MBOAT2: variants seen among roughly 807,000 people sequenced by gnomAD.
MBOAT2 encodes the protein membrane-bound glycerophospholipid O-acyltransferase 2.
MBOAT2 carries 28 observed loss-of-function variants against 63.4 expected under a neutral mutation model. The observed-to-expected ratio is 0.44, with a 90% CI of 0.33 to 0.61. The LOEUF (loss-of-function observed/expected upper bound fraction) is 0.61, where lower values mean the gene tolerates loss of function less well. Among genes scored for constraint, MBOAT2 ranks in the 20% least tolerant of loss-of-function variants. MBOAT2 has a pLI of 0.03. For synonymous variants in MBOAT2, 211 were observed against 215.6 expected (o/e 0.98, Z 0.19); for missense variants, 470 against 605.8 (o/e 0.78, Z 2.35).
intron 10 of MBOAT2, among the ~76,000 whole-genome samples, chr2:8,863,671 C>T (rs1248115586): frequency 6.6e-6 from 1 of 152,140 alleles, no homozygotes; most frequent in Admixed American, 6.5e-5. Context: ...ATTACACCAC[C>T]GTGTCTTTAA....
intron 12 of MBOAT2, 98 bp downstream of exon 12, chr2:8,860,515 T>C: frequency 8.4e-7 from 1 of 1,189,428 alleles, no homozygotes; most frequent in East Asian, 2.4e-5. Context: ...GCAGGAAATG[T>C]GGCTATGGTA....
intron 4 of MBOAT2, among the ~76,000 whole-genome samples, chr2:8,890,778 T>C (rs1032122036): frequency 6.6e-6 from 1 of 152,150 alleles, no homozygotes; most frequent in Non-Finnish European, 1.5e-5. Flanking sequence ...CCTCAGCCTC[T>C]CAAAAGTACT....
chr2:8,949,942 C>T lies in MBOAT2; in HGVS notation c.222-6678G>A, dbSNP rs138895661. Among the ~76,000 whole-genome samples, 90 of 152,278 alleles carry T rather than the reference C, an allele frequency of 5.9e-4. No homozygotes were observed. The East Asian group carries it at 0.017, about 29-fold the overall frequency. On this transcript the variant is annotated intron_variant, in intron 2 of 12. Transcript: ENST00000305997. The stretch of plus-strand genomic sequence containing the variant: ...GCCATTTTAGTGGCATTGACTCTTC[C>T]AATCCATAAGCTGAGAGGTTTTTCC...
intron 2 of MBOAT2, among the ~76,000 whole-genome samples, chr2:8,951,340 G>C (rs1668821100): frequency 6.6e-6 from 1 of 152,066 alleles, no homozygotes; most frequent in African/African-American, 2.4e-5. Context: ...GAGTAGCTGG[G>C]ATTACAGACA....
chr2:8,891,720 T>C (rs1277164769), intron 4 of MBOAT2, among the ~76,000 whole-genome samples: 1 of 152,156 alleles, frequency 6.6e-6, no homozygotes, highest in Non-Finnish European at 1.5e-5. Flanking sequence ...GAACCTCCTG[T>C]TTCCCTAGGA....
chr2:8,884,527 T>C (rs1663404266), intron 5 of MBOAT2, among the ~76,000 whole-genome samples: 2 of 151,122 alleles, frequency 1.3e-5, no homozygotes, highest in South Asian at 2.1e-4. Context: ...TGAGGATAAG[T>C]ATTCAATTTT....
At chr2:8,985,309 C>T (rs1372429953) in intron 1 of MBOAT2, among the ~76,000 whole-genome samples, 2 of 152,108 alleles carry the variant, frequency 1.3e-5, no homozygotes, top group African/African-American at 4.8e-5. Flanking sequence ...TCATTCGAAT[C>T]AAATTACCAC....
At chr2:8,988,853 A>C (rs1671739728) in intron 1 of MBOAT2, among the ~76,000 whole-genome samples, 1 of 152,224 alleles carries the variant, frequency 6.6e-6, no homozygotes, top group Non-Finnish European at 1.5e-5. Context: ...CATGCATAAT[A>C]ATATCCATAA....
At chr2:8,986,749 C>T (rs562861507) in intron 1 of MBOAT2, among the ~76,000 whole-genome samples, 21 of 152,064 alleles carry the variant, frequency 1.4e-4, no homozygotes, top group African/African-American at 5.1e-4. Context: ...GTAGGTAGGG[C>T]CCTGGCCTGA....
At position 8,933,950 on chromosome 2, in the gene MBOAT2, A is replaced by C. The variant is rs77953666; in HGVS notation, c.299+9237T>G. 3.0e-3 allele frequency among the ~76,000 whole-genome samples: 453 copies of C among 152,326 alleles called. 6 individuals carry two copies. The highest frequency in any genetic ancestry group is 0.011 in the African/African-American group (439 of 41,576). On this transcript the variant is annotated intron_variant, in intron 3 of 12. Coordinates refer to ENST00000305997, the MANE Select transcript of MBOAT2 (RefSeq NM_138799.4). ...GGGATTCAGTTTACAATTTGAAATA[A>C]AGTTAATTCAAATGTAACACCTCCA...
rs1661131995 is a variant in MBOAT2, at chr2:8,856,972, T to C, written c.*1707A>G. The C allele has an allele frequency of 6.6e-6, 1 of 152,426 alleles. No homozygotes were observed. 9.4% of individuals were successfully genotyped at this position (152,426 alleles called of 1,614,324 possible). A position where few individuals can be genotyped will look rare whatever the true frequency, so the allele number is the denominator to read the frequency against. ...TACTTTTAGATAAATAAAAATAGAT[T>C]AGGATATTTCTAAACTTCAAAAAAG... On this transcript the variant is annotated 3_prime_UTR_variant, in exon 13 of 13. Coordinates refer to ENST00000305997, the MANE Select transcript of MBOAT2 (RefSeq NM_138799.4). The surrounding 1 kb of genome is among the most constrained non-coding windows in gnomAD (Gnocchi z 4.2).
chr2:8,865,910 A>G (rs558489219), intron 9 of MBOAT2, among the ~76,000 whole-genome samples: 1 of 152,150 alleles, frequency 6.6e-6, no homozygotes, highest in Non-Finnish European at 1.5e-5. Context: ...GGTGGCAGGC[A>G]CCTGGAATCC....
chr2:8,985,606 A>G (rs1671512732), intron 1 of MBOAT2, among the ~76,000 whole-genome samples: 1 of 152,120 alleles, frequency 6.6e-6, no homozygotes, highest in African/African-American at 2.4e-5. Flanking sequence ...TATCTGCCCT[A>G]GCTGCTTAGG....
chr2:8,979,779 A>T (rs1305892677), intron 1 of MBOAT2, among the ~76,000 whole-genome samples: 2 of 152,188 alleles, frequency 1.3e-5, no homozygotes, highest in Non-Finnish European at 2.9e-5. Context: ...CAAGAGATCA[A>T]CATAGATTCT....
At chr2:8,983,310 G>A (rs1671330247) in intron 1 of MBOAT2, among the ~76,000 whole-genome samples, 1 of 152,108 alleles carries the variant, frequency 6.6e-6, no homozygotes, top group Non-Finnish European at 1.5e-5. Context: ...TTTCTTAGGT[G>A]AAATGCACCA....
intron 3 of MBOAT2, among the ~76,000 whole-genome samples, chr2:8,926,538 TG>T (rs1666946069): frequency 6.6e-6 from 1 of 152,176 alleles, no homozygotes; most frequent in Non-Finnish European, 1.5e-5. Flanking sequence ...AGGAACCAAG[TG>T]TTAAACAGTA....
At position 8,873,231 on chromosome 2, in the gene MBOAT2, ATGT is replaced by A. The variant is rs1447225606; in HGVS notation, c.757_759del (p.Thr253del). ...TCATCAATGTTGTACTCCACAGGTA[ATGT>A]TGTACAGATGGTCAAGTGAAATAAC... On this transcript the variant is annotated inframe_deletion, in exon 8 of 13. Coordinates refer to ENST00000305997, the MANE Select transcript of MBOAT2 (RefSeq NM_138799.4). 1.2e-6 allele frequency: 2 copies of A among 1,614,230 alleles called. No individual in the cohort carries two copies. Among genetic ancestry groups the A allele is most frequent in the South Asian group, 1.1e-5 (1 of 91,090 alleles).
chr2:8,882,379 A>G (rs1663201687), intron 6 of MBOAT2, 132 bp downstream of exon 6: 4 of 875,242 alleles, frequency 4.6e-6, no homozygotes, highest in Non-Finnish European at 1.8e-6. Flanking sequence ...AGGGAAGTGC[A>G]TGGAGAGAGT....
chr2:8,888,190 A>AT, intron 4 of MBOAT2, 117 bp from the exon 5 acceptor site: 1 of 924,198 alleles, frequency 1.1e-6, no homozygotes, highest in East Asian at 2.6e-5. Context: ...AATTTTTAAC[A>AT]TAAAAAAGAC....
Sources: allele counts gnomAD v4.1 joint callset (sites outside exome capture counted in the v4.1 genomes callset), GRCh38; gene constraint gnomAD v4.1.1; non-coding constraint Gnocchi (gnomAD v3.1); transcripts MANE v1.5; gene names NCBI Gene and HGNC (gene_info 2026-07-23, HGNC 2026-07-21).